ABCA12: variants seen among roughly 807,000 people sequenced by gnomAD.
The protein encoded by ABCA12 is glucosylceramide transporter ABCA12.
In ABCA12, 156 loss-of-function variants were observed where a neutral mutation model predicts 293.5. The observed-to-expected ratio is 0.53, with a 90% CI of 0.47 to 0.61. ABCA12 has a LOEUF of 0.61. Among genes scored for constraint, ABCA12 ranks in the 20% least tolerant of loss-of-function variants. The probability of loss-of-function intolerance (pLI) is 0.00; values close to 1 mark genes in which losing one functional copy is unlikely to be tolerated. For missense variants in ABCA12, 2,797 were observed against 3,090.2 expected (o/e 0.91, Z 2.25); for synonymous variants, 1,063 against 1,108.0 (o/e 0.96, Z 0.81).
At chr2:214,956,537 G>T in intron 42 of ABCA12, 126 bp downstream of exon 42, 1 of 689,004 alleles carries the variant, frequency 1.5e-6, no homozygotes, top group Non-Finnish European at 2.6e-6. Flanking sequence ...TGTGTTGTTA[G>T]TCATCACTCA....
chr2:215,000,920 A>G lies in ABCA12; in HGVS notation c.2964T>C (p.Ser988=). ...PPVIKYTIRM[S]LKTAQTTRSL... is the part of the protein sequence containing the mutation. Reference sequence around the variant, plus strand: ...TTCTTGTGGTCTGTGCGGTCTTGAGACTCATCCGGATGGTATATTTTATGA... The same window carrying G: ...TTCTTGTGGTCTGTGCGGTCTTGAGGCTCATCCGGATGGTATATTTTATGA... The change falls in exon 22 of 53, where the codon AGT becomes AGC. Residue 988 remains serine (S), a synonymous_variant. Coordinates refer to ENST00000272895, the MANE Select transcript of ABCA12 (RefSeq NM_173076.3). 6.2e-7 allele frequency: 1 copy of G among 1,613,998 alleles called. No individual in the cohort carries two copies. The highest frequency in any genetic ancestry group is 8.5e-7 in the Non-Finnish European group (1 of 1,179,978).
intron 49 of ABCA12, among the ~76,000 whole-genome samples, chr2:214,944,547 A>T (rs945079467): frequency 6.6e-6 from 1 of 152,076 alleles, no homozygotes; most frequent in Non-Finnish European, 1.5e-5. Context: ...GACTGATAGG[A>T]GAGGGTGTTG....
chr2:215,112,558 G>C (rs917927683), intron 1 of ABCA12, among the ~76,000 whole-genome samples: 33 of 150,704 alleles, frequency 2.2e-4, no homozygotes, highest in Non-Finnish European at 4.1e-4. Context: ...GATCACAGTG[G>C]TGTGATCTTG....
chr2:215,017,929 C>T, intron 14 of ABCA12, 79 bp downstream of exon 14: 2 of 1,595,738 alleles, frequency 1.3e-6, no homozygotes, highest in African/African-American at 1.3e-5. Context: ...CAGTGTTTAA[C>T]TGGTAAGCGC....
intron 1 of ABCA12, among the ~76,000 whole-genome samples, chr2:215,133,311 A>G (rs1183073857): frequency 6.6e-6 from 1 of 151,590 alleles, no homozygotes; most frequent in Non-Finnish European, 1.5e-5. Context: ...CTACCATTCA[A>G]GCAAGATTGG....
At chr2:215,068,382 A>T (rs187511882) in intron 2 of ABCA12, among the ~76,000 whole-genome samples, 1 of 152,320 alleles carries the variant, frequency 6.6e-6, no homozygotes, top group African/African-American at 2.4e-5. Flanking sequence ...TTTTGCAATT[A>T]TAGTATGAAA....
At chr2:215,012,437 C>T (rs915877999) in intron 15 of ABCA12, among the ~76,000 whole-genome samples, 1 of 151,962 alleles carries the variant, frequency 6.6e-6, no homozygotes, top group African/African-American at 2.4e-5. Context: ...AAATGGAATA[C>T]TATTTGGCAA....
chr2:215,078,957 T>C (rs75167192), intron 2 of ABCA12, among the ~76,000 whole-genome samples: 2,226 of 152,284 alleles, frequency 0.015, 26 homozygotes, highest in Middle Eastern at 0.044. Flanking sequence ...GAAAGTGGGA[T>C]GTGAATCAGC....
intron 1 of ABCA12, among the ~76,000 whole-genome samples, chr2:215,130,017 T>C (rs548403280): frequency 6.6e-6 from 1 of 152,294 alleles, no homozygotes; most frequent in East Asian, 1.9e-4. Context: ...GTTAGCCTTA[T>C]TGAAGATCAG....
In ABCA12 at chr2:214,934,330, G is replaced by A. The variant is rs1051086670; in HGVS notation, c.7543-115C>T. 2.6e-6 allele frequency: 3 copies of A among 1,148,998 alleles called. No individual in the cohort carries two copies. The African/African-American group carries it at 4.6e-5, about 17-fold the overall frequency. 71.2% of individuals were successfully genotyped at this position (1,148,998 alleles called of 1,614,324 possible). On this transcript the variant is annotated intron_variant, in intron 51 of 52. Transcript: ENST00000272895. ...AACTGAAGTTCATTCCACTGAAAAT[G>A]ATGCTACAGTATAAATAACGAGTAT...
intron 36 of ABCA12, among the ~76,000 whole-genome samples, chr2:214,972,475 C>T (rs541869325): frequency 2.0e-4 from 31 of 152,208 alleles, no homozygotes; most frequent in Non-Finnish European, 4.3e-4. Flanking sequence ...ATGGTGCAAT[C>T]ACAGCACTGC....
chr2:214,969,081 A>G (rs1464724873), intron 37 of ABCA12, among the ~76,000 whole-genome samples: 2 of 152,046 alleles, frequency 1.3e-5, no homozygotes, highest in Non-Finnish European at 2.9e-5. Flanking sequence ...AATGTAATCA[A>G]TTTCTCCAAC....
At chr2:214,959,166 C>G in intron 39 of ABCA12, 88 bp from the exon 40 acceptor site, 3 of 1,133,412 alleles carry the variant, frequency 2.6e-6, no homozygotes, top group Non-Finnish European at 4.0e-6. Context: ...ACACTTTCCT[C>G]CTTATATTAT....
At chr2:215,114,368 C>CA (rs1702644157) in intron 1 of ABCA12, among the ~76,000 whole-genome samples, 1 of 152,236 alleles carries the variant, frequency 6.6e-6, no homozygotes, top group African/African-American at 2.4e-5. Flanking sequence ...AATTTTAAAA[C>CA]ATTATTCTTA....
At chr2:214,979,453 C>T (rs1055461868) in intron 31 of ABCA12, among the ~76,000 whole-genome samples, 1 of 152,106 alleles carries the variant, frequency 6.6e-6, no homozygotes, top group African/African-American at 2.4e-5. Flanking sequence ...TATTACCCTA[C>T]TTAAATATTG....
chr2:215,051,661 G>C lies in ABCA12; in HGVS notation c.507+826C>G, dbSNP rs981365053. On this transcript the variant is annotated intron_variant, in intron 5 of 52. Transcript: ENST00000272895. The stretch of plus-strand genomic sequence containing the variant: ...GTGTGTGTGTGTGAAGGTGATGGGG[G>C]AAGGAGAGAAGAAAGGTGAGTGGGA... 5.6e-5 allele frequency among the ~76,000 whole-genome samples: 6 copies of C among 107,758 alleles called. No homozygotes were observed. In the Admixed American group the frequency reaches 5.7e-4, roughly 10 times the overall value. 70.7% of individuals were successfully genotyped at this position (107,758 alleles called of 152,430 possible).
At chr2:215,078,755 G>T (rs753970980) in intron 2 of ABCA12, among the ~76,000 whole-genome samples, 12 of 152,122 alleles carry the variant, frequency 7.9e-5, no homozygotes, top group Non-Finnish European at 1.5e-4. Context: ...AAAACACAAG[G>T]TTCATAGTGG....
intron 2 of ABCA12, among the ~76,000 whole-genome samples, chr2:215,092,353 G>A (rs1350223958): frequency 3.9e-5 from 6 of 152,068 alleles, no homozygotes; most frequent in African/African-American, 7.2e-5. Context: ...TTATTAGATC[G>A]AGATGTTTTA....
In ABCA12 at chr2:215,010,262, A is replaced by G; in HGVS notation, c.2472+69T>C. On this transcript the variant is annotated intron_variant, in intron 18 of 52. Coordinates refer to ENST00000272895, the MANE Select transcript of ABCA12 (RefSeq NM_173076.3). ...GAAAGAAATCAGTCAGCTAAAGTAA[A>G]TTTGGAAGTTGACTACTTTAAAAAA... The G allele has an allele frequency of 3.2e-6, 5 of 1,563,440 alleles. No homozygotes were observed. The South Asian group carries it at 5.6e-5, about 17-fold the overall frequency.
Sources: allele counts gnomAD v4.1 joint callset (sites outside exome capture counted in the v4.1 genomes callset), GRCh38; gene constraint gnomAD v4.1.1; transcripts MANE v1.5; gene names NCBI Gene and HGNC (gene_info 2026-07-23, HGNC 2026-07-21).